The following CA10 variants were observed in gnomAD, a reference collection of about 807,000 sequenced individuals.
The protein encoded by CA10 is carbonic anhydrase-related protein 10.
CA10 carries 14 observed loss-of-function variants against 44.2 expected under a neutral mutation model. The ratio of observed to expected loss-of-function variants is 0.32; its 90% CI spans 0.21 to 0.50. The LOEUF (loss-of-function observed/expected upper bound fraction) is 0.50, where lower values mean the gene tolerates loss of function less well. Ranked by LOEUF, CA10 falls within the 20% of genes least tolerant of loss-of-function variation. The pLI is 0.99. For synonymous variants in CA10, 159 were observed against 141.6 expected (o/e 1.12, Z -0.87); for missense variants, 350 against 409.7 (o/e 0.85, Z 1.26).
At chr17:52,085,669 C>T (rs568354283) in intron 1 of CA10, among the ~76,000 whole-genome samples, 1 of 152,166 alleles carries the variant, frequency 6.6e-6, no homozygotes, top group African/African-American at 2.4e-5. Flanking sequence ...TATACATTTA[C>T]TTATAACATA....
intron 1 of CA10, among the ~76,000 whole-genome samples, chr17:52,146,735 GTGAC>G (rs1989598064): frequency 6.6e-6 from 1 of 151,952 alleles, no homozygotes. Context: ...ATGTGGCAAT[GTGAC>G]TGACCAGAAA....
chr17:52,012,103 T>C (rs531884044), intron 2 of CA10, among the ~76,000 whole-genome samples: 3 of 152,132 alleles, frequency 2.0e-5, no homozygotes, highest in African/African-American at 7.2e-5. Flanking sequence ...AGGTTTAATA[T>C]TAATACTAAG....
chr17:52,074,612 A>G (rs1987769272), intron 1 of CA10, among the ~76,000 whole-genome samples: 2 of 3,916 alleles, frequency 5.1e-4, no homozygotes, highest in Admixed American at 0.011. Context: ...TTAGCACTCA[A>G]ATTTTGTTAC....
At position 52,054,384 on chromosome 17, in the gene CA10, C is replaced by T. The variant is rs557336152; in HGVS notation, c.136+17935G>A. ...TTTGGTAAGACTGGTTGTCTGCTTT[C>T]AAACTCTGTCTCCTGATAAGATGTT... On this transcript the variant is annotated intron_variant, in intron 2 of 8. Transcript: ENST00000451037. 1.7e-4 allele frequency among the ~76,000 whole-genome samples: 26 copies of T among 152,198 alleles called. No homozygotes were observed. The Middle Eastern group carries it at 0.014, about 80-fold the overall frequency.
intron 2 of CA10, among the ~76,000 whole-genome samples, chr17:52,040,271 G>T (rs772902817): frequency 3.3e-5 from 5 of 151,442 alleles, no homozygotes; most frequent in Non-Finnish European, 7.4e-5. Flanking sequence ...CTGATATCAG[G>T]TTCCATAAAT....
At chr17:51,751,060 T>C (rs1463049767) in intron 3 of CA10, among the ~76,000 whole-genome samples, 1 of 152,236 alleles carries the variant, frequency 6.6e-6, no homozygotes. Context: ...AGCTTCAGTT[T>C]TCTTAACCAT....
chr17:51,853,891 T>C (rs1354818676), intron 3 of CA10, among the ~76,000 whole-genome samples: 3 of 152,196 alleles, frequency 2.0e-5, no homozygotes, highest in African/African-American at 7.2e-5. Flanking sequence ...TCCTAAGGCC[T>C]CCCCAGCCAT....
chr17:51,687,202 T>C (rs1915038037), intron 4 of CA10, among the ~76,000 whole-genome samples: 1 of 152,216 alleles, frequency 6.6e-6, no homozygotes, highest in African/African-American at 2.4e-5. Context: ...GTTTGAAATT[T>C]TGCACCATTT....
chr17:51,732,265 C>G lies in CA10; in HGVS notation c.465+15368G>C, dbSNP rs193247413. Among the ~76,000 whole-genome samples, 92 of 152,244 alleles carry G rather than the reference C, an allele frequency of 6.0e-4. 1 individual carries two copies. In the Middle Eastern group the frequency reaches 0.01, roughly 17 times the overall value. ...CATGGCTGTGATGTGCCACTGAGTC[C>G]CTGTGATGAGGAAGACTGTTGTGAC... On this transcript the variant is annotated intron_variant, in intron 4 of 8. Transcript: ENST00000451037.
At chr17:51,825,145 T>C (rs1439683012) in intron 3 of CA10, among the ~76,000 whole-genome samples, 1 of 152,236 alleles carries the variant, frequency 6.6e-6, no homozygotes, top group South Asian at 2.1e-4. Flanking sequence ...AACAATGCTT[T>C]CTCAGCTCAA....
At chr17:51,786,206 TTGTGTGTCTG>T (rs886075906) in intron 3 of CA10, among the ~76,000 whole-genome samples, 2 of 123,718 alleles carry the variant, frequency 1.6e-5, no homozygotes, top group African/African-American at 5.6e-5. Flanking sequence ...TCTAACATCT[TTGTGTGTCTG>T]TGTGTGTGTG....
intron 1 of CA10, among the ~76,000 whole-genome samples, chr17:52,081,148 T>C (rs1330206277): frequency 1.3e-5 from 2 of 152,116 alleles, no homozygotes; most frequent in African/African-American, 4.8e-5. Context: ...TAAGAAAAAT[T>C]GGAGAAAAGT....
At chr17:52,106,264 C>G (rs1004714567) in intron 1 of CA10, among the ~76,000 whole-genome samples, 1 of 152,190 alleles carries the variant, frequency 6.6e-6, no homozygotes, top group Non-Finnish European at 1.5e-5. Context: ...CCATTCATTC[C>G]GTTTCCAAAT....
chr17:51,907,383 GC>G, intron 3 of CA10, among the ~76,000 whole-genome samples: 1 of 152,086 alleles, frequency 6.6e-6, no homozygotes, highest in East Asian at 1.9e-4. Context: ...CTTCCCGGCT[GC>G]CCCATCTAAA....
At chr17:52,078,261 G>A (rs1218360154) in intron 1 of CA10, among the ~76,000 whole-genome samples, 3 of 152,228 alleles carry the variant, frequency 2.0e-5, no homozygotes, top group Non-Finnish European at 4.4e-5. Flanking sequence ...AGTTGAGGTA[G>A]GGAAGGAAAT....
chr17:52,086,985 A>T (rs1988132028), intron 1 of CA10, among the ~76,000 whole-genome samples: 1 of 152,148 alleles, frequency 6.6e-6, no homozygotes, highest in African/African-American at 2.4e-5. Flanking sequence ...GAAATCAAGA[A>T]TGTGCACCTT....
chr17:51,766,987 G>A (rs1477679021), intron 3 of CA10, among the ~76,000 whole-genome samples: 1 of 152,182 alleles, frequency 6.6e-6, no homozygotes, highest in African/African-American at 2.4e-5. Context: ...AGTCTTGGGA[G>A]GTGCCTTGGT....
chr17:51,899,305 GT>G (rs1981209640), intron 3 of CA10, among the ~76,000 whole-genome samples: 1 of 151,896 alleles, frequency 6.6e-6, no homozygotes, highest in African/African-American at 2.4e-5. Context: ...TGATTTTGTT[GT>G]TTAACAAAAG....
chr17:51,646,797 G>A (rs1163685067), intron 6 of CA10, among the ~76,000 whole-genome samples: 1 of 152,224 alleles, frequency 6.6e-6, no homozygotes, highest in African/African-American at 2.4e-5. Context: ...TTCTGCCGCA[G>A]TGTCCTGGGC....
Sources: gnomAD v4.1 joint callset for allele counts (sites outside exome capture counted in the v4.1 genomes callset) on GRCh38, gnomAD v4.1.1 for gene constraint, MANE v1.5 for transcripts, NCBI Gene and HGNC (gene_info 2026-07-23, HGNC 2026-07-21) for gene names.